Variants in SBF2 observed in about 807,000 individuals in gnomAD.
SBF2 encodes the protein myotubularin-related protein 13.
SBF2 carries 112 observed loss-of-function variants against 225.2 expected under a neutral mutation model. That is an observed-to-expected ratio of 0.50 (90% CI 0.43 to 0.58). The LOEUF is 0.58. Among genes scored for constraint, SBF2 ranks in the 20% least tolerant of loss-of-function variants. The pLI is 0.00. For missense variants in SBF2, 1,996 were observed against 2,206.2 expected (o/e 0.90, Z 1.91); for synonymous variants, 763 against 773.3 (o/e 0.99, Z 0.22).
At chr11:10,063,483 G>A (rs184754331) in intron 2 of SBF2, among the ~76,000 whole-genome samples, 2,043 of 151,212 alleles carry the variant, frequency 0.014, 19 homozygotes, top group Non-Finnish European at 0.02. Context: ...TCAGCCTCCC[G>A]AGTAGCTGGG....
intron 2 of SBF2, among the ~76,000 whole-genome samples, chr11:10,045,535 G>A (rs1242867658): frequency 2.6e-5 from 4 of 152,306 alleles, no homozygotes; most frequent in South Asian, 2.1e-4. Flanking sequence ...AGTGCTGGAC[G>A]AACGCCTGAA....
chr11:10,004,152 C>A (rs1948089357), intron 6 of SBF2, among the ~76,000 whole-genome samples: 1 of 152,006 alleles, frequency 6.6e-6, no homozygotes, highest in African/African-American at 2.4e-5. Flanking sequence ...TCCTTATTCC[C>A]TTCAAATCTA....
intron 17 of SBF2, among the ~76,000 whole-genome samples, chr11:9,892,994 G>A (rs917710755): frequency 6.6e-6 from 1 of 152,144 alleles, no homozygotes; most frequent in African/African-American, 2.4e-5. Context: ...TATTAATGTT[G>A]CTGCCCAGAT....
intron 31 of SBF2, chr11:9,808,671 T>C (rs924487514): frequency 6.4e-6 from 3 of 469,604 alleles, no homozygotes; most frequent in Non-Finnish European, 1.2e-5. Context: ...GCCTGCATGG[T>C]ACATCTGTGG....
chr11:10,058,894 A>C (rs972531057), intron 2 of SBF2, among the ~76,000 whole-genome samples: 6 of 152,224 alleles, frequency 3.9e-5, no homozygotes, highest in Admixed American at 1.3e-4. Flanking sequence ...CAAGAATTTC[A>C]TATCCAGCCA....
intron 38 of SBF2, among the ~76,000 whole-genome samples, chr11:9,783,853 C>A (rs542516030): frequency 6.6e-6 from 1 of 152,246 alleles, no homozygotes; most frequent in East Asian, 1.9e-4. Flanking sequence ...ACCAGTACAG[C>A]AGTGGGCACA....
chr11:10,116,391 GA>G (rs1953139041), intron 2 of SBF2, among the ~76,000 whole-genome samples: 1 of 151,292 alleles, frequency 6.6e-6, no homozygotes, highest in South Asian at 2.1e-4. Context: ...AAATACAGTG[GA>G]AAACATGAAA....
Position 10,166,091 on chromosome 11 carries a change from A to G in SBF2, c.141+27811T>C, listed in dbSNP as rs1367571601. ...CCACATTGGTTTTATTTACCACTAT[A>G]TTCCCAGCACCCAATACCTTGACTA... On this transcript the variant is annotated intron_variant, in intron 2 of 39. Transcript: ENST00000256190. 2.0e-5 allele frequency among the ~76,000 whole-genome samples: 3 copies of G among 152,190 alleles called. No homozygotes were observed. The East Asian group carries it at 5.8e-4, about 29-fold the overall frequency.
rs76940711 is a variant in SBF2 at position 10,091,999 on chromosome 11, G to A, written c.142-49018C>T. ...GCTGAATTTATTTGTACTGTAAAATGTAACAACTGTAATCTGATTTTTAAG... is the reference window on the plus strand; with the variant it reads ...GCTGAATTTATTTGTACTGTAAAATATAACAACTGTAATCTGATTTTTAAG... On this transcript the variant is annotated intron_variant, in intron 2 of 39. Coordinates refer to ENST00000256190, the MANE Select transcript of SBF2 (RefSeq NM_030962.4). Among the ~76,000 whole-genome samples, 527 of 152,244 alleles carry A rather than the reference G, an allele frequency of 3.5e-3. 4 individuals are homozygous for A. Among genetic ancestry groups the A allele is most frequent in the African/African-American group, 0.012 (499 of 41,554 alleles).
chr11:9,794,700 A>AAAAAAAAC (rs1852997341), intron 33 of SBF2, among the ~76,000 whole-genome samples: 1 of 147,068 alleles, frequency 6.8e-6, no homozygotes, highest in African/African-American at 2.5e-5. Context: ...AAAAAAAAAA[A>AAAAAAAAC]AAAAAAAGAC....
At chr11:10,278,469 C>A (rs1176332519) in intron 1 of SBF2, among the ~76,000 whole-genome samples, 1 of 151,948 alleles carries the variant, frequency 6.6e-6, no homozygotes, top group African/African-American at 2.4e-5. Flanking sequence ...CAGTTCTGAC[C>A]ATAATAATGT....
intron 2 of SBF2, among the ~76,000 whole-genome samples, chr11:10,104,084 C>G (rs1952441903): frequency 6.8e-6 from 1 of 147,226 alleles, no homozygotes; most frequent in South Asian, 2.1e-4. Context: ...GAGACCCTGT[C>G]TCAGAAAAAA....
intron 27 of SBF2, among the ~76,000 whole-genome samples, chr11:9,830,605 T>C (rs932073526): frequency 6.6e-6 from 1 of 151,878 alleles, no homozygotes; most frequent in Admixed American, 6.6e-5. Flanking sequence ...CTGGGTGTAG[T>C]GGCGGGCGCC....
intron 1 of SBF2, among the ~76,000 whole-genome samples, chr11:10,226,662 T>C (rs1233140690): frequency 2.6e-5 from 4 of 152,226 alleles, no homozygotes; most frequent in Non-Finnish European, 5.9e-5. Flanking sequence ...CATTAACTCA[T>C]CATTTTTTAT....
At chr11:9,980,674 G>C (rs983321865) in intron 13 of SBF2, among the ~76,000 whole-genome samples, 7 of 151,720 alleles carry the variant, frequency 4.6e-5, no homozygotes, top group African/African-American at 1.5e-4. Context: ...GCAAGCTCCG[G>C]TTCACGCCAT....
Position 9,931,195 on chromosome 11 carries a change from A to G in SBF2, c.1860+30762T>C, listed in dbSNP as rs369524349. Reference sequence around the variant, plus strand: ...GGCAGGGCATAGCTGAACAAAACGCAGCAGACAGCTTCTGCAGACTTAGAA... The same window carrying G: ...GGCAGGGCATAGCTGAACAAAACGCGGCAGACAGCTTCTGCAGACTTAGAA... On this transcript the variant is annotated intron_variant, in intron 16 of 39. Transcript: ENST00000256190. 1.1e-4 allele frequency among the ~76,000 whole-genome samples: 17 copies of G among 152,264 alleles called. 1 individual carries two copies. In the South Asian group the frequency reaches 3.5e-3, roughly 31 times the overall value.
At chr11:9,872,718 G>GA (rs1396213956) in intron 17 of SBF2, among the ~76,000 whole-genome samples, 1 of 151,994 alleles carries the variant, frequency 6.6e-6, no homozygotes, top group East Asian at 1.9e-4. Context: ...CAGTACTATG[G>GA]AAAAAATGTA....
At chr11:10,072,920 C>G (rs1458063933) in intron 2 of SBF2, among the ~76,000 whole-genome samples, 5 of 151,398 alleles carry the variant, frequency 3.3e-5, no homozygotes, top group Non-Finnish European at 5.9e-5. Flanking sequence ...TTATCATCAT[C>G]ATCATCATCA....
At chr11:10,016,984 A>G (rs550160272) in intron 6 of SBF2, 2 of 152,354 alleles carry the variant, frequency 1.3e-5, no homozygotes, top group African/African-American at 4.8e-5. Flanking sequence ...TCAAAGCTGC[A>G]CAATAACACG....
Sources: allele counts gnomAD v4.1 joint callset (sites outside exome capture counted in the v4.1 genomes callset), GRCh38; gene constraint gnomAD v4.1.1; transcripts MANE v1.5; gene names NCBI Gene and HGNC (gene_info 2026-07-23, HGNC 2026-07-21).